The following MAN2A1 variants were observed in gnomAD, a reference collection of about 807,000 sequenced individuals.
MAN2A1 encodes mannosidase alpha class 2A member 1.
MAN2A1 carries 76 observed loss-of-function variants against 142.6 expected under a neutral mutation model. The ratio of observed to expected loss-of-function variants is 0.53; its 90% confidence interval spans 0.44 to 0.65. MAN2A1 has a LOEUF of 0.65. MAN2A1 is among the 30% of genes least tolerant of loss of function. The pLI is 0.00. For missense variants in MAN2A1, 1,311 were observed against 1,365.1 expected, an observed-to-expected ratio of 0.96 and a Z score of 0.62; for synonymous variants, 559 against 473.2, an observed-to-expected ratio of 1.18 and a Z score of -2.35.
At chr5:109,789,861 T>TA (rs1425140308) in intron 12 of MAN2A1, among the ~76,000 whole-genome samples, 1 of 151,880 alleles carries the variant, frequency 6.6e-6, no homozygotes, top group Non-Finnish European at 1.5e-5. Context: ...TTTAACTACC[T>TA]TGTTTTCATT....
chr5:109,868,380 T>G lies in MAN2A1; in HGVS notation c.*1382T>G, dbSNP rs114541343. On this transcript the variant is annotated 3_prime_UTR_variant, in exon 22 of 22. Coordinates refer to ENST00000261483, the MANE Select transcript of MAN2A1 (RefSeq NM_002372.4). ...TTTGGGATTATTGTTTCCTTAACAT[T>G]AAAATAATAGCGACATTTAGACTAT... The G allele has an allele frequency of 6.6e-6, 1 of 152,214 alleles. No homozygotes were observed. Among genetic ancestry groups the G allele is most frequent in the Non-Finnish European group, 1.5e-5 (1 of 68,030 alleles). The allele number at this position is 152,214 out of a possible 1,614,324, so 9.4% of individuals were successfully genotyped here.
At chr5:109,839,433 G>T (rs1221175983) in intron 16 of MAN2A1, among the ~76,000 whole-genome samples, 1 of 151,790 alleles carries the variant, frequency 6.6e-6, no homozygotes, top group Admixed American at 6.6e-5. Context: ...ATCTTTGCAG[G>T]TCCTTGTAAT....
At chr5:109,726,129 A>T (rs1751738375) in intron 3 of MAN2A1, among the ~76,000 whole-genome samples, 1 of 152,218 alleles carries the variant, frequency 6.6e-6, no homozygotes, top group South Asian at 2.1e-4. Context: ...AACAGAAAGA[A>T]AAAAAGCTGT....
intron 7 of MAN2A1, among the ~76,000 whole-genome samples, chr5:109,772,031 G>T (rs978853305): frequency 6.6e-6 from 1 of 151,472 alleles, no homozygotes; most frequent in African/African-American, 2.4e-5. Flanking sequence ...CAGTGGTTTT[G>T]AAAGTGATTT....
At chr5:109,772,719 A>C (rs1328363979) in intron 7 of MAN2A1, among the ~76,000 whole-genome samples, 2 of 152,138 alleles carry the variant, frequency 1.3e-5, no homozygotes, top group Non-Finnish European at 2.9e-5. Flanking sequence ...TGTGTTGCCC[A>C]GGATGGTCTT....
At chr5:109,700,433 C>G (rs573127412) in intron 1 of MAN2A1, among the ~76,000 whole-genome samples, 3 of 152,232 alleles carry the variant, frequency 2.0e-5, no homozygotes, top group South Asian at 2.1e-4. Context: ...TGCAGCAGTT[C>G]CCTTCTGTTT....
chr5:109,770,778 A>T (rs543818517), intron 7 of MAN2A1, among the ~76,000 whole-genome samples: 19 of 152,246 alleles, frequency 1.2e-4, no homozygotes, highest in African/African-American at 4.1e-4. Flanking sequence ...ATAACCTATA[A>T]TACACTATTA....
chr5:109,722,982 G>A (rs1438661), intron 3 of MAN2A1, among the ~76,000 whole-genome samples: 110,150 of 151,972 alleles, frequency 0.72, 40,870 homozygotes, highest in East Asian at 0.94. Context: ...GGGAGGGGAG[G>A]AGCTTTAGCA....
intron 21 of MAN2A1, among the ~76,000 whole-genome samples, chr5:109,865,654 T>G (rs1274479502): frequency 2.0e-5 from 3 of 152,214 alleles, no homozygotes; most frequent in Non-Finnish European, 4.4e-5. Context: ...TCAGTTGTTT[T>G]CCCTTGGGAA....
At chr5:109,704,364 G>A (rs919237409) in intron 1 of MAN2A1, among the ~76,000 whole-genome samples, 1 of 152,178 alleles carries the variant, frequency 6.6e-6, no homozygotes. Flanking sequence ...TGCTCACATC[G>A]TGAGGGCATT....
chr5:109,789,082 G>T, intron 11 of MAN2A1, 34 bp downstream of exon 11: 1 of 1,092,288 alleles, frequency 9.2e-7, no homozygotes, highest in Non-Finnish European at 1.4e-6. Context: ...TCATAAAAAT[G>T]TGTAATTCCA....
At chr5:109,752,745 A>G (rs1168566966) in intron 4 of MAN2A1, among the ~76,000 whole-genome samples, 1 of 152,186 alleles carries the variant, frequency 6.6e-6, no homozygotes, top group Non-Finnish European at 1.5e-5. Context: ...ATAAGTGGGA[A>G]GTTTTTCATG....
chr5:109,798,712 C>A (rs188741773), intron 12 of MAN2A1, among the ~76,000 whole-genome samples: 3 of 152,022 alleles, frequency 2.0e-5, no homozygotes, highest in Non-Finnish European at 4.4e-5. Context: ...GATGGAGTAT[C>A]GCTCTGTCGC....
At chr5:109,856,842 C>G (rs969259918) in intron 20 of MAN2A1, among the ~76,000 whole-genome samples, 1 of 152,042 alleles carries the variant, frequency 6.6e-6, no homozygotes, top group Non-Finnish European at 1.5e-5. Context: ...GGATTTATTT[C>G]CTACCCACTA....
In MAN2A1 at chr5:109,690,282, C is replaced by A; in HGVS notation, c.-136C>A. 1 of 865,024 alleles carries A rather than the reference C, an allele frequency of 1.2e-6. No homozygotes were observed. Among genetic ancestry groups the A allele is most frequent in the Non-Finnish European group, 1.9e-6 (1 of 536,486 alleles). 53.6% of individuals were successfully genotyped at this position (865,024 alleles called of 1,614,324 possible). A position where few individuals can be genotyped will look rare whatever the true frequency, so the allele number is the denominator to read the frequency against. ...GACTAGGTGCGGAGCAAGGCGGGGA[C>A]TCGCACCCGCATCCGAGAGCGCGGA... On this transcript the variant is annotated 5_prime_UTR_variant, in exon 1 of 22. Coordinates refer to ENST00000261483, the MANE Select transcript of MAN2A1 (RefSeq NM_002372.4).
At chr5:109,802,153 C>T (rs1754048622) in intron 12 of MAN2A1, among the ~76,000 whole-genome samples, 1 of 152,144 alleles carries the variant, frequency 6.6e-6, no homozygotes, top group African/African-American at 2.4e-5. Context: ...CAGGCAAGGT[C>T]TCTTTTCTAA....
At chr5:109,851,173 G>A (rs1264220718) in intron 19 of MAN2A1, among the ~76,000 whole-genome samples, 1 of 152,222 alleles carries the variant, frequency 6.6e-6, no homozygotes, top group African/African-American at 2.4e-5. Context: ...TCTGCAGAGA[G>A]TCAGTAAAAA....
chr5:109,734,323 G>C (rs1239222454), intron 4 of MAN2A1, among the ~76,000 whole-genome samples: 90 of 148,026 alleles, frequency 6.1e-4, no homozygotes, highest in African/African-American at 2.1e-3. Flanking sequence ...AAAACCAGCT[G>C]CTGGATTCAT....
At chr5:109,754,227 A>T (rs560736212) in intron 4 of MAN2A1, among the ~76,000 whole-genome samples, 153 of 151,966 alleles carry the variant, frequency 1.0e-3, no homozygotes, top group African/African-American at 3.6e-3. Flanking sequence ...TAAATTCTTG[A>T]CTTTTATGCT....
Sources: gnomAD v4.1 joint callset for allele counts (sites outside exome capture counted in the v4.1 genomes callset) on GRCh38, gnomAD v4.1.1 for gene constraint, MANE v1.5 for transcripts, NCBI Gene and HGNC (gene_info 2026-07-23, HGNC 2026-07-21) for gene names.